Variants in MAN1B1 observed in about 807,000 individuals in gnomAD.
The protein encoded by MAN1B1 is mannosidase alpha class 1B member 1, also known as endoplasmic reticulum mannosyl-oligosaccharide 1,2-alpha-mannosidase.
In MAN1B1, 66 loss-of-function variants were observed where a neutral mutation model predicts 75.5. The ratio of observed to expected loss-of-function variants is 0.87; its 90% CI spans 0.72 to 1.07. The LOEUF (loss-of-function observed/expected upper bound fraction) is 1.07. MAN1B1 is among the 50% of genes least tolerant of loss of function. MAN1B1 has a pLI of 0.00. For synonymous variants in MAN1B1, 453 were observed against 382.8 expected (o/e 1.18, Z -2.14); for missense variants, 973 against 912.5 (o/e 1.07, Z -0.85).
intron 7 of MAN1B1, 144 bp from the exon 8 acceptor site, chr9:137,101,340 C>G (rs1332182005): frequency 1.9e-6 from 2 of 1,071,232 alleles, no homozygotes; most frequent in Admixed American, 1.9e-5. Flanking sequence ...TAGAGACATT[C>G]ACTCAGTGCA....
chr9:137,088,147 C>G lies in MAN1B1; in HGVS notation c.292C>G (p.Leu98Val), dbSNP rs769359415. ...CCTTGCCTTTCTGCTTTTCTGTGGA[C>G]TCCTCTTCTACATCAACTTGGCTGA... ...FLLAFLLFCG[L>V]LFYINLADHW... The change falls in exon 2 of 13, where the codon CTC (leucine) becomes GTC (valine). Residue 98 changes from leucine to valine, a missense_variant. Physicochemically the swap from Leu to Val is conservative, Grantham distance 32. Transcript: ENST00000371589. 3.7e-6 allele frequency: 6 copies of G among 1,614,028 alleles called. No individual in the cohort carries two copies. In the South Asian group the frequency reaches 5.5e-5, roughly 15 times the overall value.
chr9:137,103,718 G>A lies in MAN1B1; in HGVS notation c.1254+2046G>A, dbSNP rs1364789086. 2.1e-5 allele frequency: 9 copies of A among 434,470 alleles called. No homozygotes were observed. In the East Asian group the frequency reaches 2.3e-4, roughly 11 times the overall value. 26.9% of individuals were successfully genotyped at this position (434,470 alleles called of 1,614,324 possible). The stretch of plus-strand genomic sequence containing the variant: ...CACACTGTTGCAGGCGTGCAGGTCC[G>A]TGGTGTTACACACATGCTGTTGCAG... On this transcript the variant is annotated intron_variant, in intron 8 of 12. Coordinates refer to ENST00000371589, the MANE Select transcript of MAN1B1 (RefSeq NM_016219.5).
intron 3 of MAN1B1, among the ~76,000 whole-genome samples, chr9:137,093,391 G>C (rs1830567331): frequency 6.6e-6 from 1 of 152,008 alleles, no homozygotes; most frequent in Non-Finnish European, 1.5e-5. Flanking sequence ...AAAAAGAAAA[G>C]AAAAGTGATC....
chr9:137,107,467 AG>A lies in MAN1B1; in HGVS notation c.1764+23del. ...GTCAAGGTGGGCCTGGGCCTGGGTC[AG>A]GGTCCATCAGGAGGAGGGTGCTGGC... On this transcript the variant is annotated intron_variant, in intron 11 of 12. Transcript: ENST00000371589. 6.2e-7 allele frequency: 1 copy of A among 1,613,302 alleles called. No homozygotes were observed. Among genetic ancestry groups the A allele is most frequent in the Middle Eastern group, 1.6e-4 (1 of 6,062 alleles).
chr9:137,099,446 C>T (rs370025825), intron 5 of MAN1B1, among the ~76,000 whole-genome samples: 1 of 152,232 alleles, frequency 6.6e-6, no homozygotes, highest in African/African-American at 2.4e-5. Flanking sequence ...GTCAGGTGGT[C>T]GGGTGACAGG....
At chr9:137,103,345 C>G (rs986427726) in intron 8 of MAN1B1, 7 of 427,230 alleles carry the variant, frequency 1.6e-5, no homozygotes, top group Middle Eastern at 6.9e-4. Flanking sequence ...CACATTTTCA[C>G]GCTGTTGCAG....
rs753346777 is a variant in MAN1B1, at chr9:137,106,247, C to T, written c.1377C>T (p.Gly459=). 51 of 1,587,240 alleles carry T rather than the reference C, an allele frequency of 3.2e-5. No individual in the cohort carries two copies. The highest frequency in any genetic ancestry group is 1.3e-4 in the South Asian group (11 of 87,610). ...LFTHLGVFTL[G]ARADSYYEYL... ...CCCACCTGGGCGTATTCACGCTGGG[C>T]GCCAGGGCCGACAGCTACTATGAGT... is the stretch of plus-strand genomic sequence containing the variant. Residue 459 remains glycine, a synonymous_variant, in exon 9 of 13, where the codon GGC becomes GGT. Transcript: ENST00000371589.
intron 4 of MAN1B1, 88 bp from the exon 5 acceptor site, chr9:137,097,740 C>A: frequency 9.7e-7 from 1 of 1,026,104 alleles, no homozygotes; most frequent in Non-Finnish European, 1.5e-6. Context: ...CAGGGCTGTG[C>A]CTTGGCCGTG....
Position 137,106,256 on chromosome 9 carries a change from C to G in MAN1B1, c.1386C>G (p.Ala462=). Residue 462 remains alanine, a synonymous_variant, in exon 9 of 13, where the codon GCC becomes GCG. Coordinates refer to ENST00000371589, the MANE Select transcript of MAN1B1 (RefSeq NM_016219.5). ...GCGTATTCACGCTGGGCGCCAGGGCCGACAGCTACTATGAGTACCTGCTGA... is the reference window on the plus strand; with the variant it reads ...GCGTATTCACGCTGGGCGCCAGGGCGGACAGCTACTATGAGTACCTGCTGA... ...HLGVFTLGAR[A]DSYYEYLLKQ... 9.5e-6 allele frequency: 15 copies of G among 1,579,142 alleles called. No individual in the cohort carries two copies. Among genetic ancestry groups the G allele is most frequent in the Non-Finnish European group, 1.3e-5 (15 of 1,162,640 alleles).
At chr9:137,103,362 AG>A in intron 8 of MAN1B1, 1 of 425,592 alleles carries the variant, frequency 2.3e-6, no homozygotes, top group Non-Finnish European at 4.6e-6. Flanking sequence ...GCAGACGTGC[AG>A]GTCAGTGGTG....
chr9:137,089,315 C>T (rs59494806), intron 3 of MAN1B1: 2 of 428,444 alleles, frequency 4.7e-6, no homozygotes, highest in East Asian at 5.2e-5. Flanking sequence ...CACAGATGGG[C>T]AGAGGCAGAT....
chr9:137,096,196 C>T, intron 3 of MAN1B1, 41 bp from the exon 4 acceptor site: 3 of 1,612,790 alleles, frequency 1.9e-6, no homozygotes, highest in Non-Finnish European at 2.5e-6. Flanking sequence ...GGGCAGCTCG[C>T]AGACACCCCG....
At chr9:137,105,717 T>C (rs773429074) in intron 8 of MAN1B1, 2 of 367,522 alleles carry the variant, frequency 5.4e-6, no homozygotes, top group Non-Finnish European at 1.1e-5. Flanking sequence ...GCGTTTAATA[T>C]CATCAGGAGC....
chr9:137,093,664 A>G (rs1295167159), intron 3 of MAN1B1, among the ~76,000 whole-genome samples: 1 of 151,906 alleles, frequency 6.6e-6, no homozygotes, highest in Admixed American at 6.6e-5. Context: ...CCCCGTCTCT[A>G]CTAAAAATAC....
At chr9:137,105,498 C>T (rs771857000) in intron 8 of MAN1B1, 1 of 207,098 alleles carries the variant, frequency 4.8e-6, no homozygotes, top group East Asian at 1.8e-4. Context: ...GGCAGCCAGG[C>T]CTCGAAGGTG....
rs368058446 is a variant in MAN1B1 at position 137,088,369 on chromosome 9, T to G, written c.328+186T>G. 3.8e-6 allele frequency: 6 copies of G among 1,589,642 alleles called. 1 individual carries two copies. The highest frequency in any genetic ancestry group is 5.1e-6 in the Non-Finnish European group (6 of 1,173,876). Reference sequence around the variant, plus strand: ...GGCTAGAACACAGATGTTAATTTGATGCTGTCTGACTACTTTCTAGGTCTC... The same window carrying G: ...GGCTAGAACACAGATGTTAATTTGAGGCTGTCTGACTACTTTCTAGGTCTC... On this transcript the variant is annotated intron_variant, in intron 2 of 12. Transcript: ENST00000371589.
chr9:137,102,895 C>T (rs758538935), intron 8 of MAN1B1: 41 of 415,274 alleles, frequency 9.9e-5, no homozygotes, highest in South Asian at 2.0e-4. Context: ...TGCAGGCGTG[C>T]AGGTCAGTGG....
At chr9:137,094,452 GAAACAC>G (rs1398109832) in intron 3 of MAN1B1, 3 of 449,210 alleles carry the variant, frequency 6.7e-6, no homozygotes, top group Non-Finnish European at 1.3e-5. Flanking sequence ...AGAGACTAGA[GAAACAC>G]AGTGGAACTA....
At chr9:137,093,934 T>C (rs1830586247) in intron 3 of MAN1B1, among the ~76,000 whole-genome samples, 1 of 152,126 alleles carries the variant, frequency 6.6e-6, no homozygotes, top group African/African-American at 2.4e-5. Flanking sequence ...GATTTTAAAA[T>C]TCATATGGAA....
Sources: gnomAD v4.1 joint callset for allele counts (sites outside exome capture counted in the v4.1 genomes callset) on GRCh38, gnomAD v4.1.1 for gene constraint, MANE v1.5 for transcripts, NCBI Gene and HGNC (gene_info 2026-07-23, HGNC 2026-07-21) for gene names.